The following SLC35F3 variants were observed in gnomAD, a reference collection of about 807,000 sequenced individuals.
SLC35F3 encodes solute carrier family 35 member F3, also known as putative thiamine transporter SLC35F3.
A neutral mutation model predicts 49.9 loss-of-function variants in SLC35F3; 25 were observed. That is an observed-to-expected ratio of 0.50 (90% CI 0.37 to 0.70). The LOEUF is 0.70. Ranked by LOEUF, SLC35F3 falls within the 30% of genes least tolerant of loss-of-function variation. The pLI is 0.00. For missense variants in SLC35F3, 525 were observed against 639.8 expected, an observed-to-expected ratio of 0.82 and a Z score of 1.94; for synonymous variants, 275 against 265.4, an observed-to-expected ratio of 1.04 and a Z score of -0.35.
At chr1:234,037,904 T>A (rs1431895618) in intron 2 of SLC35F3, among the ~76,000 whole-genome samples, 1 of 152,330 alleles carries the variant, frequency 6.6e-6, no homozygotes, top group East Asian at 1.9e-4. Context: ...GGTCAGCTCA[T>A]GCAAAGGTTC....
At chr1:234,284,845 AG>A in intron 3 of SLC35F3, 1 of 153,932 alleles carries the variant, frequency 6.5e-6, no homozygotes, top group South Asian at 2.0e-4. Flanking sequence ...GAGACAGGCA[AG>A]GGAAGAGGAA....
At position 234,316,704 on chromosome 1, in the gene SLC35F3, G is replaced by A. The variant is rs1657498578; in HGVS notation, c.931G>A (p.Ala311Thr). Residue 311 changes from alanine (A) to threonine (T), a missense_variant, in exon 5 of 8, where the codon GCA becomes ACA. Ala to Thr is a moderately conservative substitution (Grantham distance 58, BLOSUM62 0). This residue lies in a region of SLC35F3 where 216 missense variants were observed against 298.1 expected (regional missense o/e 0.72). Transcript: ENST00000366618. ...CGGCATCGCACTGGTGGTGGCCTCA[G>A]CATCGATGTCTGCCCTCTACAAGGT... ...VIGIALVVASASMSALYKVLF... is the reference protein window; with the variant it reads ...VIGIALVVASTSMSALYKVLF... 1 of 1,611,388 alleles carries A rather than the reference G, an allele frequency of 6.2e-7. No individual in the cohort carries two copies. Among genetic ancestry groups the A allele is most frequent in the African/African-American group, 1.3e-5 (1 of 74,902 alleles).
chr1:234,273,684 C>T (rs529661392), intron 3 of SLC35F3, among the ~76,000 whole-genome samples: 2 of 152,288 alleles, frequency 1.3e-5, no homozygotes, highest in South Asian at 4.2e-4. Flanking sequence ...TGCTACAATT[C>T]ATCATGCACA....
chr1:234,194,533 A>G (rs755624826), intron 2 of SLC35F3, among the ~76,000 whole-genome samples: 1 of 152,130 alleles, frequency 6.6e-6, no homozygotes, highest in Non-Finnish European at 1.5e-5. Flanking sequence ...AAATCTCCCA[A>G]ATCACCACTA....
intron 2 of SLC35F3, among the ~76,000 whole-genome samples, chr1:234,118,885 C>CTTTTT (rs60469123): frequency 7.0e-6 from 1 of 143,482 alleles, no homozygotes; most frequent in Admixed American, 6.9e-5. Context: ...TTTTTCTTTT[C>CTTTTT]TTTTTTTTTT....
At chr1:234,204,625 T>A (rs1477690698) in intron 2 of SLC35F3, among the ~76,000 whole-genome samples, 1 of 152,178 alleles carries the variant, frequency 6.6e-6, no homozygotes, top group Non-Finnish European at 1.5e-5. Flanking sequence ...TGGCACCAAC[T>A]AGATAATTTT....
At chr1:233,945,783 C>T (rs1662503541) in intron 2 of SLC35F3, among the ~76,000 whole-genome samples, 2 of 152,224 alleles carry the variant, frequency 1.3e-5, no homozygotes, top group South Asian at 4.1e-4. Context: ...CCTGCTGCCA[C>T]ATAAGATGTG....
intron 2 of SLC35F3, among the ~76,000 whole-genome samples, chr1:233,922,752 G>C (rs548755805): frequency 6.6e-6 from 1 of 152,194 alleles, no homozygotes; most frequent in East Asian, 1.9e-4. Flanking sequence ...TATTGCCTAG[G>C]TTTTCTTCTA....
intron 4 of SLC35F3, among the ~76,000 whole-genome samples, chr1:234,310,141 G>T (rs1158048526): frequency 6.6e-6 from 1 of 152,220 alleles, no homozygotes; most frequent in Non-Finnish European, 1.5e-5. Flanking sequence ...GTGGCCAGGA[G>T]CTGTCACTGC....
chr1:234,219,051 A>T, intron 2 of SLC35F3, among the ~76,000 whole-genome samples: 1 of 103,432 alleles, frequency 9.7e-6, no homozygotes. Flanking sequence ...GAGAGACTCC[A>T]TCTCAAAAAA....
chr1:233,969,062 G>A (rs1222812045), intron 2 of SLC35F3, among the ~76,000 whole-genome samples: 3 of 147,428 alleles, frequency 2.0e-5, no homozygotes, highest in African/African-American at 7.8e-5. Flanking sequence ...ACATATTTTG[G>A]GGGGGGGGAC....
At chr1:234,101,245 T>C (rs1665209097) in intron 2 of SLC35F3, among the ~76,000 whole-genome samples, 1 of 152,080 alleles carries the variant, frequency 6.6e-6, no homozygotes, top group South Asian at 2.1e-4. Flanking sequence ...GGGTCTGTTT[T>C]CCTTTACATA....
chr1:234,105,740 A>C (rs2102884443), intron 2 of SLC35F3, among the ~76,000 whole-genome samples: 1 of 152,328 alleles, frequency 6.6e-6, no homozygotes, highest in Non-Finnish European at 1.5e-5. Flanking sequence ...AGGCAAACTG[A>C]TTGTATTGAT....
At chr1:234,271,486 G>T (rs57212873) in intron 3 of SLC35F3, among the ~76,000 whole-genome samples, 1 of 152,030 alleles carries the variant, frequency 6.6e-6, no homozygotes, top group African/African-American at 2.4e-5. Context: ...GAGTTTTTTC[G>T]TTTTGTGAAA....
At chr1:234,313,129 A>C (rs995365020) in intron 4 of SLC35F3, among the ~76,000 whole-genome samples, 1 of 152,172 alleles carries the variant, frequency 6.6e-6, no homozygotes, top group Non-Finnish European at 1.5e-5. Flanking sequence ...TGCCCGCCTC[A>C]GCCTCCCAAA....
intron 2 of SLC35F3, among the ~76,000 whole-genome samples, chr1:233,971,487 C>T (rs150430932): frequency 0.025 from 3,753 of 152,218 alleles, 88 homozygotes; most frequent in Middle Eastern, 0.058. Flanking sequence ...TTTGGGAGGC[C>T]GAGGCGGGTG....
chr1:234,020,984 G>A (rs530271859), intron 2 of SLC35F3, among the ~76,000 whole-genome samples: 5 of 152,316 alleles, frequency 3.3e-5, no homozygotes, highest in Admixed American at 6.5e-5. Flanking sequence ...TCAGAAGGCC[G>A]CATAAAGGCA....
At chr1:233,946,434 G>T (rs1475636168) in intron 2 of SLC35F3, among the ~76,000 whole-genome samples, 1 of 152,196 alleles carries the variant, frequency 6.6e-6, no homozygotes, top group Admixed American at 6.5e-5. Flanking sequence ...GATATCGAAT[G>T]AATATAATCC....
intron 2 of SLC35F3, among the ~76,000 whole-genome samples, chr1:234,059,166 CTA>C (rs1241784389): frequency 6.6e-6 from 1 of 150,812 alleles, no homozygotes. Context: ...TTTCTATTCT[CTA>C]TATCGGTAAG....
Sources: gnomAD v4.1 joint callset for allele counts (sites outside exome capture counted in the v4.1 genomes callset) on GRCh38, gnomAD v4.1.1 for gene constraint, gnomAD v4.1.1 regional missense constraint, MANE v1.5 for transcripts, NCBI Gene and HGNC (gene_info 2026-07-23, HGNC 2026-07-21) for gene names.